Variants in SLC2A5 observed in about 807,000 individuals in gnomAD.
The protein encoded by SLC2A5 is solute carrier family 2 member 5, also known as solute carrier family 2, facilitated glucose transporter member 5.
A neutral mutation model predicts 50.3 loss-of-function variants in SLC2A5; 56 were observed. The observed-to-expected ratio is 1.11, with a 90% confidence interval of 0.90 to 1.39. The LOEUF is 1.39. Among genes scored for constraint, SLC2A5 ranks in the 40% most tolerant of loss-of-function variants. The pLI, the probability that SLC2A5 is intolerant of heterozygous loss-of-function variation, is 0.00. For missense variants in SLC2A5, 566 were observed against 650.1 expected, an observed-to-expected ratio of 0.87 and a Z score of 1.41; for synonymous variants, 269 against 281.9, an observed-to-expected ratio of 0.95 and a Z score of 0.46.
At position 9,040,291 on chromosome 1, in the gene SLC2A5, G is replaced by T; in HGVS notation, c.572-102C>A. 2 of 1,373,100 alleles carry T rather than the reference G, an allele frequency of 1.5e-6. No homozygotes were observed. The highest frequency in any genetic ancestry group is 1.9e-6 in the Non-Finnish European group (2 of 1,032,548). The allele number at this position is 1,373,100 out of a possible 1,614,324, so 85.1% of individuals were successfully genotyped here. On this transcript the variant is annotated intron_variant, in intron 5 of 11. Transcript: ENST00000377424. The surrounding 1 kb of genome is among the most constrained non-coding windows in gnomAD (Gnocchi z 4.3). ...CCCCGTCATCCTGAGTGGGGTGCAG[G>T]CTCCAGGAGGGCACAGCTTTCCCAG...
At chr1:9,056,484 T>C (rs1399399699) in intron 3 of SLC2A5, among the ~76,000 whole-genome samples, 1 of 152,026 alleles carries the variant, frequency 6.6e-6, no homozygotes, top group Non-Finnish European at 1.5e-5. Flanking sequence ...TGCGCCCAGC[T>C]GTGTGTTTTT....
intron 1 of SLC2A5, among the ~76,000 whole-genome samples, chr1:9,066,546 TG>T (rs965343117): frequency 2.0e-5 from 3 of 152,238 alleles, no homozygotes; most frequent in Non-Finnish European, 4.4e-5. Flanking sequence ...TCAATTCTTA[TG>T]TAGTTGTAAA....
intron 2 of SLC2A5, among the ~76,000 whole-genome samples, chr1:9,078,891 G>A (rs981359727): frequency 6.6e-6 from 1 of 152,142 alleles, no homozygotes; most frequent in Non-Finnish European, 1.5e-5. Flanking sequence ...GATAAGGAAG[G>A]AATCATTAAC....
chr1:9,062,221 A>G (rs1641964039), intron 1 of SLC2A5, among the ~76,000 whole-genome samples: 1 of 152,226 alleles, frequency 6.6e-6, no homozygotes, highest in Non-Finnish European at 1.5e-5. Context: ...AATGGTAAAG[A>G]CACACATTAA....
At chr1:9,068,961 C>T (rs1212420957) in intron 1 of SLC2A5, among the ~76,000 whole-genome samples, 2 of 152,156 alleles carry the variant, frequency 1.3e-5, no homozygotes, top group African/African-American at 2.4e-5. Context: ...ACTGCAATTA[C>T]GTTGCAGGAG....
At chr1:9,078,018 T>G (rs1642312281) in intron 2 of SLC2A5, among the ~76,000 whole-genome samples, 1 of 152,148 alleles carries the variant, frequency 6.6e-6, no homozygotes, top group South Asian at 2.1e-4. Flanking sequence ...TTATAATTAG[T>G]TCTTGTTCTT....
chr1:9,092,266 A>G (rs1464068703), upstream of SLC2A5, among the ~76,000 whole-genome samples: 1 of 152,076 alleles, frequency 6.6e-6, no homozygotes, highest in Non-Finnish European at 1.5e-5. Context: ...AAACACAACA[A>G]CTAACCACAG....
At chr1:9,078,242 C>T (rs1200589107) in intron 2 of SLC2A5, among the ~76,000 whole-genome samples, 2 of 152,168 alleles carry the variant, frequency 1.3e-5, no homozygotes, top group Non-Finnish European at 2.9e-5. Context: ...CCAGAGGTCA[C>T]TTCCATCACC....
Position 9,038,099 on chromosome 1 carries a change from C to T in SLC2A5, c.1175-75G>A. ...TCCCAGGCCTGGCCATGCAGACCCA[C>T]CAGGTAGCTGGCCCCAGGACAGAGG... On this transcript the variant is annotated intron_variant, in intron 10 of 11. Transcript: ENST00000377424. 1.9e-6 allele frequency: 3 copies of T among 1,547,592 alleles called. No individual in the cohort carries two copies. In the South Asian group the frequency reaches 3.6e-5, roughly 18 times the overall value.
At chr1:9,075,952 C>T (rs865794990) in intron 2 of SLC2A5, among the ~76,000 whole-genome samples, 34 of 147,846 alleles carry the variant, frequency 2.3e-4, no homozygotes, top group Non-Finnish European at 4.6e-4. Flanking sequence ...TGAGCCACCG[C>T]GCCCGGCATT....
chr1:9,087,642 C>T (rs1219567739), intron 1 of SLC2A5, among the ~76,000 whole-genome samples: 1 of 152,152 alleles, frequency 6.6e-6, no homozygotes, highest in African/African-American at 2.4e-5. Context: ...CTGAGAGCCT[C>T]TGGACAGCCG....
At chr1:9,074,087 T>TA (rs147453247), upstream of SLC2A5, among the ~76,000 whole-genome samples, 30,301 of 144,406 alleles carry the variant, frequency 0.21, 3,314 homozygotes, top group East Asian at 0.46. Flanking sequence ...CTCCAAAAAT[T>TA]AAAAAAAAAA....
At chr1:9,066,741 G>C (rs1642092692) in intron 1 of SLC2A5, among the ~76,000 whole-genome samples, 1 of 152,036 alleles carries the variant, frequency 6.6e-6, no homozygotes, top group Admixed American at 6.6e-5. Context: ...AGCACTTTGG[G>C]AGGCTGAGGC....
At chr1:9,047,854 G>A (rs914730326) in intron 3 of SLC2A5, 120 bp from the exon 4 acceptor site, 13 of 1,052,616 alleles carry the variant, frequency 1.2e-5, no homozygotes, top group African/African-American at 3.2e-5. Flanking sequence ...ACTGCTGTGC[G>A]TTTAGCTCTC....
intron 2 of SLC2A5, among the ~76,000 whole-genome samples, chr1:9,084,571 C>T (rs1642385558): frequency 6.6e-6 from 1 of 152,198 alleles, no homozygotes; most frequent in African/African-American, 2.4e-5. Flanking sequence ...TAAATCAGCC[C>T]CGGGCCCACC....
intron 3 of SLC2A5, 100 bp from the exon 4 acceptor site, chr1:9,047,834 C>T (rs1557666827): frequency 1.5e-6 from 2 of 1,296,662 alleles, no homozygotes; most frequent in South Asian, 1.3e-5. Flanking sequence ...CCAGCAGTTA[C>T]AGCAGCTTTA....
intron 10 of SLC2A5, 129 bp downstream of exon 10, chr1:9,038,302 G>C (rs111429581): frequency 0.012 from 8,840 of 745,224 alleles, 54 homozygotes; most frequent in Middle Eastern, 0.018. Flanking sequence ...ACCCCCTTGC[G>C]GTGGACGGGG....
At chr1:9,042,593 CTGTGTG>C (rs534980545) in intron 4 of SLC2A5, among the ~76,000 whole-genome samples, 3 of 131,682 alleles carry the variant, frequency 2.3e-5, no homozygotes, top group Non-Finnish European at 4.9e-5. Flanking sequence ...TATATGGCCT[CTGTGTG>C]TGTGTGTGTG....
chr1:9,049,257 T>A (rs910161888), intron 3 of SLC2A5: 4 of 452,046 alleles, frequency 8.8e-6, no homozygotes, highest in Non-Finnish European at 1.8e-5. Context: ...GAGCCGCTTA[T>A]ACTAACAGCA....
Sources: allele counts gnomAD v4.1 joint callset (sites outside exome capture counted in the v4.1 genomes callset), GRCh38; gene constraint gnomAD v4.1.1; non-coding constraint Gnocchi (gnomAD v3.1); transcripts MANE v1.5; gene names NCBI Gene and HGNC (gene_info 2026-07-23, HGNC 2026-07-21).